The following TLN2 variants were observed in gnomAD, a reference collection of about 807,000 sequenced individuals.
TLN2 encodes the protein talin 2.
A neutral mutation model predicts 294.7 loss-of-function variants in TLN2; 118 were observed. The observed-to-expected ratio is 0.40, with a 90% CI of 0.34 to 0.47. The LOEUF (loss-of-function observed/expected upper bound fraction) is 0.47, where lower values mean the gene tolerates loss of function less well. TLN2 is among the 20% of genes least tolerant of loss of function. The pLI, the probability that TLN2 is intolerant of heterozygous loss-of-function variation, is 0.84. For synonymous variants in TLN2, 1,431 were observed against 1,304.5 expected (o/e 1.10, Z -2.09); for missense variants, 3,083 against 3,282.2 (o/e 0.94, Z 1.48).
intron 50 of TLN2, among the ~76,000 whole-genome samples, chr15:62,803,951 C>T (rs143166745): frequency 4.6e-5 from 7 of 152,246 alleles, no homozygotes; most frequent in East Asian, 3.9e-4. Context: ...TCCAGGTACT[C>T]GAAAGGACTT....
chr15:62,755,501 G>T lies in TLN2; in HGVS notation c.4477-31G>T, dbSNP rs1024980876. ...TGGACCCCTCTGCACTGTAGCATGG[G>T]GTACCCCCAACCTAGCTCCATGCTT... On this transcript the variant is annotated intron_variant, in intron 36 of 58. Transcript: ENST00000636159. 14 of 1,610,688 alleles carry T rather than the reference G, an allele frequency of 8.7e-6. No individual in the cohort carries two copies. The African/African-American group carries it at 1.9e-4, about 22-fold the overall frequency.
intron 19 of TLN2, among the ~76,000 whole-genome samples, chr15:62,705,249 A>T (rs772770233): frequency 6.6e-6 from 1 of 152,224 alleles, no homozygotes; most frequent in Admixed American, 6.5e-5. Flanking sequence ...CTAGGTAAAG[A>T]CCAGGGCAGT....
intron 43 of TLN2, among the ~76,000 whole-genome samples, chr15:62,779,441 G>A (rs1484228833): frequency 1.3e-5 from 2 of 152,202 alleles, no homozygotes; most frequent in Non-Finnish European, 2.9e-5. Context: ...GGTCATGCTA[G>A]CACCCACAAA....
In TLN2 at chr15:62,763,615, C is replaced by T. The variant is rs373058762; in HGVS notation, c.5014C>T (p.Arg1672Trp). 12 of 1,613,606 alleles carry T rather than the reference C, an allele frequency of 7.4e-6. No homozygotes were observed. The highest frequency in any genetic ancestry group is 2.7e-5 in the African/African-American group (2 of 74,936). Residue 1672 changes from arginine (R) to tryptophan (W), a missense_variant, in exon 40 of 59, where the codon CGG (arginine) becomes TGG (tryptophan). By Grantham distance (101) the Arg-to-Trp change is moderately radical. Transcript: ENST00000636159. ...TGATTACTCCATCGATGGCATCAACCGGTGCATCCGGGACATCGAGCAGGC... is the reference window on the plus strand; with the variant it reads ...TGATTACTCCATCGATGGCATCAACTGGTGCATCCGGGACATCGAGCAGGC... ...ECDYSIDGIN[R>W]CIRDIEQASL...
rs752223863 is a variant in TLN2, at chr15:62,675,231, C to T, written c.867C>T (p.Cys289=). ...EKRIFQEHKN[C]GEMSEIEAKV... ...CACTTTTGCAGGAGCATAAGAACTG[C>T]GGAGAGATGAGTGAGATAGAAGCCA... The change falls in exon 11 of 59, where the codon TGC becomes TGT. Residue 289 remains cysteine (C), a synonymous_variant. Transcript: ENST00000636159. 52 of 1,614,036 alleles carry T rather than the reference C, an allele frequency of 3.2e-5. No individual in the cohort carries two copies. Among genetic ancestry groups the T allele is most frequent in the East Asian group, 1.1e-4 (5 of 44,906 alleles).
chr15:62,597,735 T>G (rs977035338), intron 2 of TLN2, among the ~76,000 whole-genome samples: 2 of 152,218 alleles, frequency 1.3e-5, no homozygotes, highest in South Asian at 4.1e-4. Flanking sequence ...TATTTACATA[T>G]ACATAATGAG....
intron 57 of TLN2, chr15:62,838,154 C>T (rs973928590): frequency 6.6e-6 from 1 of 152,192 alleles, no homozygotes; most frequent in Non-Finnish European, 1.5e-5. Flanking sequence ...GGTGCTGAGA[C>T]CCTAAAAGTA....
At chr15:62,683,180 T>C (rs1203036061) in intron 11 of TLN2, 1 of 152,248 alleles carries the variant, frequency 6.6e-6, no homozygotes, top group African/African-American at 2.4e-5. Flanking sequence ...TTGGGCCATA[T>C]TGAAGTGAGG....
At position 62,392,199 on chromosome 15, in the gene TLN2, GGGGA is replaced by G. The variant is rs1338436700; in HGVS notation, c.-238+1515_-238+1518del. Among the ~76,000 whole-genome samples the G allele has an allele frequency of 7.9e-5, 12 of 152,370 alleles. No individual in the cohort carries two copies. In the East Asian group the frequency reaches 2.1e-3, roughly 27 times the overall value. ...GAAGTTGGGGCTTCAGGTGACGCGT[GGGGA>G]AACTTGGATTCTTGCTGTCCTTGAA... On this transcript the variant is annotated intron_variant, in intron 1 of 58. Coordinates refer to ENST00000636159, the MANE Select transcript of TLN2 (RefSeq NM_015059.3).
intron 52 of TLN2, among the ~76,000 whole-genome samples, chr15:62,814,508 T>C (rs113005003): frequency 0.015 from 2,344 of 152,278 alleles, 44 homozygotes; most frequent in African/African-American, 0.046. Flanking sequence ...AAAAAGAATT[T>C]TCCCCCTTGA....
At chr15:62,554,610 G>GA (rs1400770630) in intron 1 of TLN2, among the ~76,000 whole-genome samples, 2 of 151,666 alleles carry the variant, frequency 1.3e-5, no homozygotes, top group African/African-American at 4.8e-5. Flanking sequence ...TTACTGCTTA[G>GA]AAAAAAATAA....
chr15:62,554,935 A>G (rs2042524214), intron 1 of TLN2, among the ~76,000 whole-genome samples: 1 of 151,940 alleles, frequency 6.6e-6, no homozygotes, highest in Non-Finnish European at 1.5e-5. Flanking sequence ...ATTCGTGTAC[A>G]CTTGCTTTGC....
intron 28 of TLN2, among the ~76,000 whole-genome samples, chr15:62,731,518 T>C (rs147958309): frequency 6.6e-6 from 1 of 152,324 alleles, no homozygotes; most frequent in Non-Finnish European, 1.5e-5. Flanking sequence ...GTGTGGTCTG[T>C]TTCCATTTTA....
At chr15:62,799,671 G>A (rs1567632900) in intron 48 of TLN2, among the ~76,000 whole-genome samples, 1 of 152,190 alleles carries the variant, frequency 6.6e-6, no homozygotes, top group Non-Finnish European at 1.5e-5. Context: ...GAAGACAGAT[G>A]ATTTATAAGT....
chr15:62,481,646 C>T (rs1264672454), intron 1 of TLN2, among the ~76,000 whole-genome samples: 2 of 152,038 alleles, frequency 1.3e-5, no homozygotes, highest in Non-Finnish European at 2.9e-5. Flanking sequence ...CAGGCGTGAG[C>T]CTCTACACCC....
At chr15:62,560,753 C>G (rs61587000) in intron 1 of TLN2, among the ~76,000 whole-genome samples, 36,391 of 152,118 alleles carry the variant, frequency 0.24, 4,675 homozygotes, top group East Asian at 0.53. Context: ...CCCTTCTTTG[C>G]AGGGTGGACT....
At chr15:62,606,883 A>T (rs2047496164) in intron 2 of TLN2, among the ~76,000 whole-genome samples, 1 of 152,134 alleles carries the variant, frequency 6.6e-6, no homozygotes, top group African/African-American at 2.4e-5. Flanking sequence ...TTGTAAGGTG[A>T]TGCTCAGCGC....
chr15:62,487,246 G>C (rs771060869), intron 1 of TLN2, among the ~76,000 whole-genome samples: 1 of 152,146 alleles, frequency 6.6e-6, no homozygotes, highest in Non-Finnish European at 1.5e-5. Context: ...GTCAACTTGC[G>C]TGATGTGTAC....
At chr15:62,391,480 G>T (rs1217856020) in intron 1 of TLN2, among the ~76,000 whole-genome samples, 1 of 152,256 alleles carries the variant, frequency 6.6e-6, no homozygotes, top group Non-Finnish European at 1.5e-5. Flanking sequence ...CTGGAGACGA[G>T]TATTTCGGGA....
Sources: gnomAD v4.1 joint callset for allele counts (sites outside exome capture counted in the v4.1 genomes callset) on GRCh38, gnomAD v4.1.1 for gene constraint, MANE v1.5 for transcripts, NCBI Gene and HGNC (gene_info 2026-07-23, HGNC 2026-07-21) for gene names.